The following CCNH variants were observed in gnomAD, a reference collection of about 807,000 sequenced individuals.
CCNH encodes the protein cyclin H, also known as cyclin-H.
In CCNH, 31 loss-of-function variants were observed where a neutral mutation model predicts 41.9. That is an observed-to-expected ratio of 0.74 (90% confidence interval 0.56 to 1.00). CCNH has a LOEUF of 1.00. Among genes scored for constraint, CCNH ranks in the 50% least tolerant of loss-of-function variants. The pLI, the probability that CCNH is intolerant of heterozygous loss-of-function variation, is 0.00. For missense variants in CCNH, 362 were observed against 388.4 expected (o/e 0.93, Z 0.57); for synonymous variants, 138 against 136.1 (o/e 1.01, Z -0.10).
intron 9 of CCNH, among the ~76,000 whole-genome samples, chr5:87,348,691 C>T (rs1759039924): frequency 6.6e-6 from 1 of 150,740 alleles, no homozygotes; most frequent in South Asian, 2.1e-4. Context: ...AGGCTGGTAT[C>T]AAACTCCTGG....
upstream of CCNH, among the ~76,000 whole-genome samples, chr5:87,379,409 A>T (rs535862577): frequency 6.6e-6 from 1 of 152,316 alleles, no homozygotes; most frequent in African/African-American, 2.4e-5. Context: ...ATTCTGCCTA[A>T]GGCATTTGAT....
upstream of CCNH, among the ~76,000 whole-genome samples, chr5:87,378,795 G>C (rs1761501592): frequency 1.3e-5 from 2 of 152,176 alleles, no homozygotes; most frequent in South Asian, 2.1e-4. Flanking sequence ...TTCCTCTACT[G>C]TACTAATAAT....
downstream of CCNH, chr5:87,391,083 T>C (rs1260800746): frequency 2.5e-5 from 16 of 647,114 alleles, no homozygotes; most frequent in East Asian, 3.0e-4. Context: ...TGCAGGATAT[T>C]TGCACTATTT....
At chr5:87,318,823 C>G (rs981091329) in exon 10 of CCNH, 1 of 152,222 alleles carries the variant, frequency 6.6e-6, no homozygotes, top group Non-Finnish European at 1.5e-5. Flanking sequence ...CCCCCAAAGT[C>G]TTAACTCCTT....
At chr5:87,390,934 T>A (rs1462435525), downstream of CCNH, 54 of 1,523,896 alleles carry the variant, frequency 3.5e-5, no homozygotes, top group Non-Finnish European at 4.8e-5. Context: ...AACATGGTAA[T>A]TCACTTCAGT....
intron 9 of CCNH, among the ~76,000 whole-genome samples, chr5:87,321,804 A>G (rs1036360050): frequency 8.5e-5 from 13 of 152,210 alleles, no homozygotes; most frequent in African/African-American, 2.4e-4. Context: ...TCATGACATC[A>G]GCACTTTCCC....
At position 87,353,153 on chromosome 5, in the gene CCNH, A is replaced by T. The variant is rs369061989; in HGVS notation, c.*91-34256T>A. The stretch of plus-strand genomic sequence containing the variant: ...ATTAATACTAGAAATTTTTATTTTA[A>T]CAGCATTGGGGACATCATAGATCAC... On this transcript the variant is annotated intron_variant and NMD_transcript_variant, in intron 9 of 9. Coordinates refer to the CCNH transcript ENST00000645953. The T allele has an allele frequency of 2.2e-5, 35 of 1,603,950 alleles. No homozygotes were observed. The African/African-American group carries it at 4.3e-4, about 20-fold the overall frequency.
upstream of CCNH, chr5:87,380,683 C>T: frequency 1.6e-6 from 2 of 1,226,846 alleles, no homozygotes; most frequent in East Asian, 2.4e-5. Context: ...CAATTCAATG[C>T]TTTTTTCTTT....
chr5:87,395,426 T>C (rs1447087907), intron 7 of CCNH, among the ~76,000 whole-genome samples: 1 of 152,170 alleles, frequency 6.6e-6, no homozygotes, highest in African/African-American at 2.4e-5. Flanking sequence ...CAGTTATCTT[T>C]AAAGCACACT....
downstream of CCNH, chr5:87,372,061 A>T: frequency 1.3e-6 from 2 of 1,488,982 alleles, no homozygotes. Flanking sequence ...CTAACTGATG[A>T]TTTGGAAGCC....
the CCNH span, among the ~76,000 whole-genome samples, chr5:87,311,932 C>T: frequency 6.6e-6 from 1 of 152,222 alleles, no homozygotes; most frequent in Admixed American, 6.5e-5. Flanking sequence ...CCAAACCTTC[C>T]TTTGGAATAT....
At chr5:87,318,722 G>T (rs1374227109) in exon 10 of CCNH, 1 of 152,100 alleles carries the variant, frequency 6.6e-6, no homozygotes, top group African/African-American at 2.4e-5. Flanking sequence ...TTGGATGGGG[G>T]TACAGAGCCA....
At chr5:87,356,383 ATT>A (rs11409141) in intron 9 of CCNH, among the ~76,000 whole-genome samples, 3 of 141,744 alleles carry the variant, frequency 2.1e-5, no homozygotes, top group African/African-American at 2.6e-5. Flanking sequence ...GATGATTGTT[ATT>A]TTTTTTTTTT....
At chr5:87,333,195 G>A (rs2112371194) in intron 9 of CCNH, 1 of 1,568,720 alleles carries the variant, frequency 6.4e-7, no homozygotes, top group Non-Finnish European at 8.6e-7. Flanking sequence ...TTGGCTTTAT[G>A]TGGATATACC....
intron 6 of CCNH, among the ~76,000 whole-genome samples, chr5:87,400,238 A>G (rs1763297579): frequency 6.6e-6 from 1 of 152,206 alleles, no homozygotes; most frequent in Non-Finnish European, 1.5e-5. Flanking sequence ...ATGCAAACAA[A>G]GCAGTATTTT....
intron 9 of CCNH, among the ~76,000 whole-genome samples, chr5:87,348,568 A>G (rs2112419502): frequency 6.6e-6 from 1 of 152,104 alleles, no homozygotes; most frequent in African/African-American, 2.4e-5. Context: ...ATGTATACAC[A>G]TATTTCAGTT....
intron 9 of CCNH, among the ~76,000 whole-genome samples, chr5:87,358,485 G>C (rs1267787221): frequency 6.6e-6 from 1 of 152,034 alleles, no homozygotes; most frequent in Non-Finnish European, 1.5e-5. Context: ...TAACCTGTCA[G>C]GAAGATCATA....
intron 9 of CCNH, among the ~76,000 whole-genome samples, chr5:87,344,396 T>G (rs890944301): frequency 1.1e-4 from 16 of 152,306 alleles, no homozygotes; most frequent in African/African-American, 3.4e-4. Context: ...CACCTTTACC[T>G]TAGCAGAGCC....
intron 7 of CCNH, among the ~76,000 whole-genome samples, chr5:87,396,414 G>A (rs2112547938): frequency 6.6e-6 from 1 of 152,236 alleles, no homozygotes; most frequent in East Asian, 1.9e-4. Flanking sequence ...GACGTCAGGA[G>A]CTTGAGACCA....
Sources: gnomAD v4.1 joint callset for allele counts (sites outside exome capture counted in the v4.1 genomes callset) on GRCh38, gnomAD v4.1.1 for gene constraint, MANE v1.5 for transcripts, NCBI Gene and HGNC (gene_info 2026-07-23, HGNC 2026-07-21) for gene names.